Variants in GRM7 observed in about 807,000 individuals in gnomAD.
The protein encoded by GRM7 is metabotropic glutamate receptor 7.
In GRM7, 35 loss-of-function variants were observed where a neutral mutation model predicts 84.5. The ratio of observed to expected loss-of-function variants is 0.41; its 90% confidence interval spans 0.32 to 0.55. The LOEUF (loss-of-function observed/expected upper bound fraction) is 0.55, where lower values mean the gene tolerates loss of function less well. GRM7 is among the 20% of genes least tolerant of loss of function. The probability of loss-of-function intolerance (pLI) is 0.19; values close to 1 mark genes in which losing one functional copy is unlikely to be tolerated. For missense variants in GRM7, 1,003 were observed against 1,194.6 expected, an observed-to-expected ratio of 0.84 and a Z score of 2.36; for synonymous variants, 487 against 455.1, an observed-to-expected ratio of 1.07 and a Z score of -0.89.
chr3:7,491,603 C>T (rs187809165), intron 7 of GRM7, among the ~76,000 whole-genome samples: 7 of 152,310 alleles, frequency 4.6e-5, no homozygotes, highest in Non-Finnish European at 8.8e-5. Context: ...GCCTCTTAAA[C>T]TCTACATGTC....
intron 2 of GRM7, among the ~76,000 whole-genome samples, chr3:7,157,142 G>A (rs1694477700): frequency 6.6e-6 from 1 of 152,080 alleles, no homozygotes; most frequent in African/African-American, 2.4e-5. Flanking sequence ...CCAACTCCAT[G>A]GAGGCCTTCA....
chr3:7,511,473 G>A (rs920917908), intron 7 of GRM7, among the ~76,000 whole-genome samples: 1 of 152,158 alleles, frequency 6.6e-6, no homozygotes, highest in African/African-American at 2.4e-5. Flanking sequence ...CATTGTGACT[G>A]CTTGCCATCA....
intron 1 of GRM7, among the ~76,000 whole-genome samples, chr3:6,927,614 C>T (rs1697360223): frequency 2.0e-5 from 3 of 151,864 alleles, no homozygotes. Context: ...GAATAAATAT[C>T]ATCATTGCTA....
intron 7 of GRM7, among the ~76,000 whole-genome samples, chr3:7,538,264 C>G (rs577389493): frequency 6.6e-6 from 1 of 152,298 alleles, no homozygotes; most frequent in African/African-American, 2.4e-5. Flanking sequence ...AGTGCGCAAC[C>G]ACGCCCAGCT....
At chr3:6,908,223 T>A (rs867783669) in intron 1 of GRM7, among the ~76,000 whole-genome samples, 1 of 152,200 alleles carries the variant, frequency 6.6e-6, no homozygotes, top group Admixed American at 6.5e-5. Flanking sequence ...CTCTTTCTAA[T>A]GTAGGAATGC....
intron 1 of GRM7, among the ~76,000 whole-genome samples, chr3:6,902,866 C>T (rs1249035989): frequency 6.6e-6 from 1 of 151,422 alleles, no homozygotes. Context: ...CACACACACA[C>T]ACACACACAC....
chr3:7,318,571 T>C (rs78025836), intron 4 of GRM7, among the ~76,000 whole-genome samples: 1,589 of 152,170 alleles, frequency 0.01, 29 homozygotes, highest in African/African-American at 0.036. Context: ...GAAGGGGTTT[T>C]TTAAATGTCC....
Position 7,391,188 on chromosome 3 carries a change from C to T in GRM7, c.1034-23835C>T, listed in dbSNP as rs560107941. Among the ~76,000 whole-genome samples the T allele has an allele frequency of 5.8e-4, 89 of 152,150 alleles. 1 individual carries two copies. The highest frequency in any genetic ancestry group is 2.1e-3 in the African/African-American group (86 of 41,508). ...TTGGCAGTGGCTTTCTCAGATATTGCTTGTTATGATTTAATTTTGTTTAGT... is the reference window on the plus strand; with the variant it reads ...TTGGCAGTGGCTTTCTCAGATATTGTTTGTTATGATTTAATTTTGTTTAGT... On this transcript the variant is annotated intron_variant, in intron 4 of 9. Coordinates refer to ENST00000357716, the MANE Select transcript of GRM7 (RefSeq NM_000844.4).
chr3:7,099,183 C>CATATAT (rs112788452), intron 1 of GRM7, among the ~76,000 whole-genome samples: 8 of 146,534 alleles, frequency 5.5e-5, no homozygotes, highest in African/African-American at 2.0e-4. Context: ...GGTTTAATTG[C>CATATAT]ATATATATAT....
intron 7 of GRM7, among the ~76,000 whole-genome samples, chr3:7,550,513 ATTC>A (rs748763977): frequency 1.0e-4 from 10 of 95,886 alleles, no homozygotes; most frequent in Admixed American, 2.9e-4. Flanking sequence ...CTTCCTTCTT[ATTC>A]TTCTTCTTCC....
rs181624823 is a variant in GRM7, at chr3:7,083,265, C to T, written c.520-63187C>T. 1.2e-4 allele frequency among the ~76,000 whole-genome samples: 19 copies of T among 152,206 alleles called. No homozygotes were observed. In the Middle Eastern group the frequency reaches 0.01, roughly 82 times the overall value. On this transcript the variant is annotated intron_variant, in intron 1 of 9. Coordinates refer to ENST00000357716, the MANE Select transcript of GRM7 (RefSeq NM_000844.4). The stretch of plus-strand genomic sequence containing the variant: ...GCCAACAACATCGAGGCAAGATCCT[C>T]CACCAGCAAAAAGATTACAGCTTGC...
chr3:7,543,729 A>G (rs1314403611), intron 7 of GRM7, among the ~76,000 whole-genome samples: 1 of 152,220 alleles, frequency 6.6e-6, no homozygotes, highest in Non-Finnish European at 1.5e-5. Context: ...AATTCTATAG[A>G]TAGACCTTTC....
At position 7,534,908 on chromosome 3, in the gene GRM7, G is replaced by T. The variant is rs373409623; in HGVS notation, c.1516-43514G>T. Among the ~76,000 whole-genome samples, 18 of 152,216 alleles carry T rather than the reference G, an allele frequency of 1.2e-4. 2 individuals are homozygous for T. Among genetic ancestry groups the T allele is most frequent in the Admixed American group, 5.2e-4 (8 of 15,282 alleles). ...TAATGGGAACATCATAGGGTGTTCT[G>T]GGGGGTGGTTGATTCCACATTCCAG... On this transcript the variant is annotated intron_variant, in intron 7 of 9. Transcript: ENST00000357716.
chr3:7,090,236 G>C (rs921430948), intron 1 of GRM7, among the ~76,000 whole-genome samples: 5 of 152,220 alleles, frequency 3.3e-5, no homozygotes, highest in African/African-American at 1.2e-4. Context: ...TTTGAGAACA[G>C]TGATGTGAAA....
intron 7 of GRM7, among the ~76,000 whole-genome samples, chr3:7,517,851 C>T (rs1700449712): frequency 6.6e-6 from 1 of 152,212 alleles, no homozygotes; most frequent in Admixed American, 6.5e-5. Flanking sequence ...TTTTCCCAAG[C>T]TCGTCCAGCT....
chr3:6,980,357 T>C (rs1694154924), intron 1 of GRM7, among the ~76,000 whole-genome samples: 1 of 152,178 alleles, frequency 6.6e-6, no homozygotes, highest in Non-Finnish European at 1.5e-5. Flanking sequence ...CAACATTTCA[T>C]ATATAATTTT....
chr3:6,892,190 T>C (rs1695982990), intron 1 of GRM7, among the ~76,000 whole-genome samples: 1 of 152,140 alleles, frequency 6.6e-6, no homozygotes, highest in African/African-American at 2.4e-5. Context: ...TCAGATGACC[T>C]AGGATTGGTC....
intron 1 of GRM7, among the ~76,000 whole-genome samples, chr3:6,865,089 A>G (rs1327237024): frequency 2.6e-5 from 4 of 152,220 alleles, no homozygotes; most frequent in Non-Finnish European, 4.4e-5. Context: ...GGGCTCTGCC[A>G]ACTAGAATTA....
At chr3:7,392,201 G>GAC (rs1371801216) in intron 4 of GRM7, among the ~76,000 whole-genome samples, 2 of 152,160 alleles carry the variant, frequency 1.3e-5, no homozygotes, top group Non-Finnish European at 2.9e-5. Context: ...CAAGGGAGCA[G>GAC]ACTAGAACAC....
Sources: allele counts gnomAD v4.1 joint callset (sites outside exome capture counted in the v4.1 genomes callset), GRCh38; gene constraint gnomAD v4.1.1; transcripts MANE v1.5; gene names NCBI Gene and HGNC (gene_info 2026-07-23, HGNC 2026-07-21).